The following CYP4X1 variants were observed in gnomAD, a reference collection of about 807,000 sequenced individuals.
The protein encoded by CYP4X1 is cytochrome P450 4X1.
Under a neutral mutation model 57.9 loss-of-function variants are expected in CYP4X1, and 44 were observed. That is an observed-to-expected ratio of 0.76 (90% CI 0.60 to 0.98). The LOEUF is 0.98. Ranked by LOEUF, CYP4X1 falls within the 50% of genes least tolerant of loss-of-function variation. The probability of loss-of-function intolerance (pLI) is 0.00; values close to 1 mark genes in which losing one functional copy is unlikely to be tolerated. For missense variants in CYP4X1, 532 were observed against 623.9 expected, an observed-to-expected ratio of 0.85 and a Z score of 1.57; for synonymous variants, 227 against 228.6, an observed-to-expected ratio of 0.99 and a Z score of 0.06.
At chr1:46,966,981 T>C in the CYP4X1 span, among the ~76,000 whole-genome samples, 1 of 152,220 alleles carries the variant, frequency 6.6e-6, no homozygotes, top group African/African-American at 2.4e-5. Flanking sequence ...AGATGCCAAA[T>C]TGACAAGGTA....
Position 47,033,374 on chromosome 1 carries a change from T to C in CYP4X1, c.492+6T>C. The C allele has an allele frequency of 6.2e-7, 1 of 1,613,376 alleles. No individual in the cohort carries two copies. Among genetic ancestry groups the C allele is most frequent in the South Asian group, 1.1e-5 (1 of 91,004 alleles). On this transcript the variant is annotated splice_donor_region_variant and intron_variant, in intron 4 of 11. Transcript: ENST00000371901. ...ATTCTGTGAAAATGATGCTGGTAAG[T>C]AAAGGGGGAAAGTGCTCTGTGCATT...
the CYP4X1 span, among the ~76,000 whole-genome samples, chr1:46,978,762 T>G: frequency 6.6e-6 from 1 of 151,714 alleles, no homozygotes; most frequent in Non-Finnish European, 1.5e-5. Context: ...GAACAGAAAT[T>G]ACCACAAATT....
chr1:47,003,234 TCA>T, the CYP4X1 span: 1 of 152,208 alleles, frequency 6.6e-6, no homozygotes, highest in Non-Finnish European at 1.5e-5. Context: ...GGGCAATTGA[TCA>T]CAGGGAGATC....
At chr1:47,002,999 C>T in the CYP4X1 span, 1 of 152,144 alleles carries the variant, frequency 6.6e-6, no homozygotes, top group Non-Finnish European at 1.5e-5. Context: ...CACTTGATCT[C>T]CCTAGAATCA....
At chr1:46,992,241 G>A in the CYP4X1 span, among the ~76,000 whole-genome samples, 2 of 152,204 alleles carry the variant, frequency 1.3e-5, no homozygotes, top group African/African-American at 4.8e-5. Context: ...ACTTGAACCC[G>A]GGAGGCAGAG....
chr1:47,052,806 A>T (rs12041324), downstream of CYP4X1, among the ~76,000 whole-genome samples: 43,918 of 151,860 alleles, frequency 0.29, 6,999 homozygotes, highest in East Asian at 0.69. Flanking sequence ...AATAAATAAA[A>T]AATAAAATAA....
chr1:46,998,310 G>T, the CYP4X1 span, among the ~76,000 whole-genome samples: 1 of 152,098 alleles, frequency 6.6e-6, no homozygotes, highest in Non-Finnish European at 1.5e-5. Flanking sequence ...CAAGTAGCTG[G>T]AACTACAGGC....
chr1:47,035,798 T>C lies in CYP4X1; in HGVS notation c.493-8T>C, dbSNP rs200695079. The C allele has an allele frequency of 8.7e-6, 14 of 1,610,392 alleles. No individual in the cohort carries two copies. Among genetic ancestry groups the C allele is most frequent in the Non-Finnish European group, 1.2e-5 (14 of 1,178,336 alleles). ...GGTGATGATGTTGGTCTTGACCTCC[T>C]GTGCCAGGATAAGTGGGAGAAGATT... On this transcript the variant is annotated splice_polypyrimidine_tract_variant and splice_region_variant and intron_variant, in intron 4 of 11. Coordinates refer to ENST00000371901, the MANE Select transcript of CYP4X1 (RefSeq NM_178033.2).
the CYP4X1 span, among the ~76,000 whole-genome samples, chr1:47,003,651 A>T: frequency 6.6e-6 from 1 of 152,052 alleles, no homozygotes; most frequent in Non-Finnish European, 1.5e-5. Context: ...GGAGCAAGAG[A>T]GAGAGTAGGG....
At chr1:46,984,376 T>TAAAAAA in the CYP4X1 span, among the ~76,000 whole-genome samples, 2 of 118,598 alleles carry the variant, frequency 1.7e-5, no homozygotes, top group Admixed American at 1.8e-4. Context: ...GCTCTGCCTT[T>TAAAAAA]AAAAAAAAAA....
chr1:47,014,403 C>A, the CYP4X1 span, among the ~76,000 whole-genome samples: 7 of 152,046 alleles, frequency 4.6e-5, no homozygotes, highest in Non-Finnish European at 8.8e-5. Context: ...GGAGGAGAAA[C>A]CTTAACCTTC....
At chr1:47,037,474 A>G (rs1400818478) in intron 6 of CYP4X1, among the ~76,000 whole-genome samples, 1 of 151,978 alleles carries the variant, frequency 6.6e-6, no homozygotes, top group Non-Finnish European at 1.5e-5. Flanking sequence ...AGTCAAATAT[A>G]TCAATATTTT....
At chr1:46,967,413 G>A in the CYP4X1 span, among the ~76,000 whole-genome samples, 1 of 152,150 alleles carries the variant, frequency 6.6e-6, no homozygotes, top group Non-Finnish European at 1.5e-5. Flanking sequence ...GAAAGAAATG[G>A]GGGCAGACAG....
the CYP4X1 span, among the ~76,000 whole-genome samples, chr1:46,967,208 A>C: frequency 6.6e-6 from 1 of 152,236 alleles, no homozygotes; most frequent in Non-Finnish European, 1.5e-5. Flanking sequence ...GAGCTGAAAA[A>C]GTGGAAGAAA....
chr1:46,968,760 C>T, the CYP4X1 span, among the ~76,000 whole-genome samples: 1 of 152,184 alleles, frequency 6.6e-6, no homozygotes, highest in Non-Finnish European at 1.5e-5. Context: ...GGATGTGTTT[C>T]TATATAACAC....
In CYP4X1 at chr1:47,039,259, C is replaced by T. The variant is rs754440168; in HGVS notation, c.883-83C>T. The stretch of plus-strand genomic sequence containing the variant: ...ACCCCTATTTAAAGCTCTGATTTTT[C>T]CCCTCAAATCATTATTGTGGTTGTA... On this transcript the variant is annotated intron_variant, in intron 7 of 11. Transcript: ENST00000371901. 1.3e-3 allele frequency: 1,627 copies of T among 1,263,226 alleles called. 4 individuals are homozygous for T. The highest frequency in any genetic ancestry group is 1.6e-3 in the Non-Finnish European group (1,497 of 923,610). 78.3% of individuals were successfully genotyped at this position (1,263,226 alleles called of 1,614,324 possible).
At chr1:46,968,532 C>T in the CYP4X1 span, among the ~76,000 whole-genome samples, 1 of 152,192 alleles carries the variant, frequency 6.6e-6, no homozygotes, top group Non-Finnish European at 1.5e-5. Context: ...CCTGTAACAT[C>T]CTCAAGGCTA....
chr1:46,984,504 T>C, the CYP4X1 span, among the ~76,000 whole-genome samples: 12 of 151,494 alleles, frequency 7.9e-5, no homozygotes, highest in Admixed American at 6.6e-5. Context: ...CCAACTGAGA[T>C]ACCTGGCTCA....
intron 8 of CYP4X1, among the ~76,000 whole-genome samples, chr1:47,041,425 C>G (rs576381749): frequency 6.6e-6 from 1 of 152,242 alleles, no homozygotes; most frequent in African/African-American, 2.4e-5. Flanking sequence ...TATAAGGGTT[C>G]TGTTTTCTCC....
Sources: allele counts gnomAD v4.1 joint callset (sites outside exome capture counted in the v4.1 genomes callset), GRCh38; gene constraint gnomAD v4.1.1; transcripts MANE v1.5; gene names NCBI Gene and HGNC (gene_info 2026-07-23, HGNC 2026-07-21).